The following RXRG variants were observed in gnomAD, a reference collection of about 807,000 sequenced individuals.
RXRG encodes retinoic acid receptor RXR-gamma.
Under a neutral mutation model 49.2 loss-of-function variants are expected in RXRG, and 19 were observed. That is an observed-to-expected ratio of 0.39 (90% confidence interval 0.27 to 0.57). The LOEUF is 0.57. RXRG is among the 20% of genes least tolerant of loss of function. The pLI, the probability that RXRG is intolerant of heterozygous loss-of-function variation, is 0.64. For synonymous variants in RXRG, 224 were observed against 216.6 expected (o/e 1.03, Z -0.30); for missense variants, 452 against 592.5 (o/e 0.76, Z 2.46).
chr1:165,409,622 C>A lies in RXRG; in HGVS notation c.982G>T (p.Ala328Ser). Residue 328 changes from alanine to serine, a missense_variant, in exon 7 of 10, where the codon GCC becomes TCC. By Grantham distance (99) the Ala-to-Ser change is moderately conservative. This residue lies in a region of RXRG where 286 missense variants were observed against 440.9 expected (regional missense o/e 0.65). Coordinates refer to ENST00000359842, the MANE Select transcript of RXRG (RefSeq NM_006917.5). Reference sequence around the variant, plus strand: ...CTCCGGTGGACATGTAAACCCGTGGCCAGAAGGATGCCATCCTGCACGGAA... The same window carrying A: ...CTCCGGTGGACATGTAAACCCGTGGACAGAAGGATGCCATCCTGCACGGAA... The part of the protein sequence containing the change: ...SVSVQDGILL[A>S]TGLHVHRSSA... The A allele has an allele frequency of 6.3e-7, 1 of 1,581,482 alleles. No individual in the cohort carries two copies. Among genetic ancestry groups the A allele is most frequent in the South Asian group, 1.2e-5 (1 of 85,742 alleles).
At chr1:165,414,105 C>A (rs1205688292) in intron 4 of RXRG, among the ~76,000 whole-genome samples, 2 of 152,168 alleles carry the variant, frequency 1.3e-5, no homozygotes, top group East Asian at 3.8e-4. Context: ...TTTTGAAATG[C>A]GCCCCCTTAT....
At chr1:165,443,977 T>C (rs1659080858) in intron 1 of RXRG, among the ~76,000 whole-genome samples, 1 of 152,210 alleles carries the variant, frequency 6.6e-6, no homozygotes, top group African/African-American at 2.4e-5. Flanking sequence ...TGGTCAGCTG[T>C]TGCTTCCATT....
At chr1:165,436,923 G>A (rs894176526) in intron 1 of RXRG, 2 of 1,112,698 alleles carry the variant, frequency 1.8e-6, no homozygotes, top group African/African-American at 1.7e-5. Flanking sequence ...AACTTGAAAA[G>A]TGGAAAAGCC....
At position 165,433,780 on chromosome 1, in the gene RXRG, A is replaced by G. The variant is rs148931104; in HGVS notation, c.50-4814T>C. ...GTCTGGAATGGTCTGAGTCTGGACC[A>G]GATGCTGAGGGGTACCTCCCACCAT... On this transcript the variant is annotated intron_variant, in intron 1 of 9. Transcript: ENST00000359842. 6.9e-3 allele frequency among the ~76,000 whole-genome samples: 1,052 copies of G among 152,344 alleles called. 16 individuals are homozygous for G. The highest frequency in any genetic ancestry group is 0.025 in the African/African-American group (1,019 of 41,582).
At chr1:165,416,987 TGC>T in intron 4 of RXRG, 52 bp downstream of exon 4, 1 of 1,544,458 alleles carries the variant, frequency 6.5e-7, no homozygotes, top group Non-Finnish European at 8.8e-7. Flanking sequence ...AATGTCCCCT[TGC>T]CTAGGAAATG....
intron 1 of RXRG, among the ~76,000 whole-genome samples, chr1:165,442,490 A>G (rs1211333225): frequency 2.0e-5 from 3 of 152,228 alleles, no homozygotes; most frequent in African/African-American, 7.2e-5. Flanking sequence ...ATTTCCTTCC[A>G]TAGCTGAACC....
chr1:165,420,048 C>G (rs157870), intron 2 of RXRG, 34 bp from the exon 3 acceptor site: 576,565 of 1,515,872 alleles, frequency 0.38, 113,520 homozygotes, highest in African/African-American at 0.56. Context: ...AAGCACAGAG[C>G]CAGAGTAAAT....
Position 165,401,405 on chromosome 1 carries a change from G to A in RXRG, c.1250C>T (p.Ala417Val), listed in dbSNP as rs776085213. 1 of 1,614,002 alleles carries A rather than the reference G, an allele frequency of 6.2e-7. No homozygotes were observed. Among genetic ancestry groups the A allele is most frequent in the Non-Finnish European group, 8.5e-7 (1 of 1,180,036 alleles). Residue 417 changes from alanine (A) to valine (V), a missense_variant, in exon 10 of 10, where the codon GCC becomes GTC. Coordinates refer to ENST00000359842, the MANE Select transcript of RXRG (RefSeq NM_006917.5). ...AGCTGGGAGGCGCAGCAGCAGCTTGGCAAACCTGCAGGGAAGCCAAGAGGC... is the reference window on the plus strand; with the variant it reads ...AGCTGGGAGGCGCAGCAGCAGCTTGACAAACCTGCAGGGAAGCCAAGAGGC... ...QKYPEQPGRF[A>V]KLLLRLPALR... is the part of the protein sequence containing the mutation.
chr1:165,419,375 T>C (rs533570470), intron 3 of RXRG, among the ~76,000 whole-genome samples: 1 of 152,166 alleles, frequency 6.6e-6, no homozygotes, highest in South Asian at 2.1e-4. Context: ...ATTGCTTATC[T>C]GGGAGGGGTT....
chr1:165,439,359 C>A (rs551913758), intron 1 of RXRG, among the ~76,000 whole-genome samples: 13 of 152,152 alleles, frequency 8.5e-5, no homozygotes, highest in Non-Finnish European at 1.8e-4. Context: ...CTCCCTCCCC[C>A]TTCCTTCAAG....
intron 9 of RXRG, among the ~76,000 whole-genome samples, chr1:165,402,893 C>A (rs1014250633): frequency 6.6e-6 from 1 of 152,092 alleles, no homozygotes; most frequent in African/African-American, 2.4e-5. Context: ...CACACTCATT[C>A]TCACATATCT....
chr1:165,426,896 G>A (rs1256931354), intron 2 of RXRG, among the ~76,000 whole-genome samples: 1 of 152,166 alleles, frequency 6.6e-6, no homozygotes, highest in Non-Finnish European at 1.5e-5. Context: ...GACCCAGGAA[G>A]AGCAAATGCT....
At chr1:165,423,433 G>T (rs1658386734) in intron 2 of RXRG, among the ~76,000 whole-genome samples, 2 of 152,120 alleles carry the variant, frequency 1.3e-5, no homozygotes, top group Non-Finnish European at 2.9e-5. Flanking sequence ...GCATGCTTCT[G>T]GAGCCATCCT....
chr1:165,408,992 G>A (rs1657847911), intron 7 of RXRG, among the ~76,000 whole-genome samples: 1 of 152,120 alleles, frequency 6.6e-6, no homozygotes, highest in Non-Finnish European at 1.5e-5. Flanking sequence ...CTCCTTATCA[G>A]ATGGCTTAAT....
At chr1:165,427,635 G>A (rs1474923386) in intron 2 of RXRG, among the ~76,000 whole-genome samples, 1 of 152,018 alleles carries the variant, frequency 6.6e-6, no homozygotes, top group Non-Finnish European at 1.5e-5. Flanking sequence ...GTAGAGACGG[G>A]GTTTCACTGT....
At chr1:165,402,077 C>G (rs1657591913) in intron 9 of RXRG, among the ~76,000 whole-genome samples, 1 of 148,412 alleles carries the variant, frequency 6.7e-6, no homozygotes, top group African/African-American at 2.5e-5. Context: ...AATTTGTAAC[C>G]AATTGTTACC....
chr1:165,432,980 G>A (rs1404704207), intron 1 of RXRG, among the ~76,000 whole-genome samples: 1 of 152,200 alleles, frequency 6.6e-6, no homozygotes, highest in East Asian at 1.9e-4. Context: ...CCTTTTGGAA[G>A]TGAGTAGGCC....
intron 4 of RXRG, among the ~76,000 whole-genome samples, chr1:165,413,275 C>T (rs1213503355): frequency 6.6e-6 from 1 of 152,188 alleles, no homozygotes; most frequent in South Asian, 2.1e-4. Flanking sequence ...TAAAACCAAA[C>T]TTCTGCCTTA....
At chr1:165,436,893 G>C (rs1658831197) in intron 1 of RXRG, 1 of 1,107,400 alleles carries the variant, frequency 9.0e-7, no homozygotes, top group Admixed American at 4.5e-5. Flanking sequence ...CTCCTGGTGG[G>C]ATTTCAGAAT....
Sources: allele counts gnomAD v4.1 joint callset (sites outside exome capture counted in the v4.1 genomes callset), GRCh38; gene constraint gnomAD v4.1.1; regional missense constraint gnomAD v4.1.1; transcripts MANE v1.5; gene names NCBI Gene and HGNC (gene_info 2026-07-23, HGNC 2026-07-21).